The following MTA3 variants were observed in gnomAD, a reference collection of about 807,000 sequenced individuals.
MTA3 encodes metastasis associated 1 family member 3.
Under a neutral mutation model 83.5 loss-of-function variants are expected in MTA3, and 34 were observed. The ratio of observed to expected loss-of-function variants is 0.41; its 90% confidence interval spans 0.31 to 0.54. The LOEUF (loss-of-function observed/expected upper bound fraction) is 0.54. Ranked by LOEUF, MTA3 falls within the 20% of genes least tolerant of loss-of-function variation. The pLI is 0.33. For missense variants in MTA3, 761 were observed against 726.4 expected, an observed-to-expected ratio of 1.05 and a Z score of -0.55; for synonymous variants, 303 against 252.7, an observed-to-expected ratio of 1.20 and a Z score of -1.89.
At chr2:42,549,630 T>C (rs1283497309) in intron 2 of MTA3, among the ~76,000 whole-genome samples, 1 of 123,916 alleles carries the variant, frequency 8.1e-6, no homozygotes, top group Non-Finnish European at 1.6e-5. Flanking sequence ...ATTATATACA[T>C]ATACATATAT....
At chr2:42,556,798 CAG>C (rs1233238587) in intron 2 of MTA3, among the ~76,000 whole-genome samples, 2 of 152,122 alleles carry the variant, frequency 1.3e-5, no homozygotes, top group East Asian at 3.9e-4. Context: ...ACCAAGGCCA[CAG>C]AGTGTTCAAC....
At chr2:42,590,633 GT>G (rs35137977) in intron 3 of MTA3, among the ~76,000 whole-genome samples, 81,671 of 113,910 alleles carry the variant, frequency 0.72, 26,686 homozygotes, top group South Asian at 0.84. Flanking sequence ...TTTTTTTTTT[GT>G]GAGGTGGAGT....
rs1242100313 is a variant in MTA3, at chr2:42,755,918, C to T, written c.*2519C>T. 3.0e-6 allele frequency: 3 copies of T among 985,418 alleles called. No homozygotes were observed. Among genetic ancestry groups the T allele is most frequent in the South Asian group, 9.4e-5 (2 of 21,296 alleles). The allele number at this position is 985,418 out of a possible 1,614,324, so 61.0% of individuals were successfully genotyped here. ...GCCCACCCTTCACTTCTTAAAGGTG[C>T]GCAAGAGAGGAGGGCCGACTGGAGG... On this transcript the variant is annotated 3_prime_UTR_variant, in exon 17 of 17. Coordinates refer to ENST00000405094, the MANE Select transcript of MTA3 (RefSeq NM_001330442.2).
intron 4 of MTA3, among the ~76,000 whole-genome samples, chr2:42,622,276 C>T (rs1302092970): frequency 3.9e-5 from 6 of 152,114 alleles, no homozygotes; most frequent in African/African-American, 7.2e-5. Flanking sequence ...CTTGGCGGCG[C>T]GCGCCTGCAA....
intron 8 of MTA3, among the ~76,000 whole-genome samples, chr2:42,663,996 T>A (rs1480499145): frequency 6.6e-6 from 1 of 152,174 alleles, no homozygotes; most frequent in Non-Finnish European, 1.5e-5. Context: ...TTGTCATGTT[T>A]GTATAGCTGG....
chr2:42,589,731 T>G (rs1348052720), intron 3 of MTA3, among the ~76,000 whole-genome samples: 1 of 152,204 alleles, frequency 6.6e-6, no homozygotes, highest in Non-Finnish European at 1.5e-5. Context: ...TTTTGTATTT[T>G]CAGTAGAGAC....
chr2:42,617,508 A>T (rs1283429902), intron 4 of MTA3, among the ~76,000 whole-genome samples: 1 of 152,160 alleles, frequency 6.6e-6, no homozygotes, highest in Non-Finnish European at 1.5e-5. Flanking sequence ...AAAAGGTATT[A>T]TTTTAAAATT....
At chr2:42,617,365 A>AT (rs1159893099) in intron 4 of MTA3, among the ~76,000 whole-genome samples, 4 of 151,998 alleles carry the variant, frequency 2.6e-5, no homozygotes, top group Non-Finnish European at 5.9e-5. Flanking sequence ...GATTTGTTTT[A>AT]TTTTTTCTCT....
rs767598363 is a variant in MTA3 at position 42,514,682 on chromosome 2, C to CTTTTTTTTTTTTTTTTTTTTT, written c.-141+19433_-141+19453dup. Among the ~76,000 whole-genome samples, 45 of 53,486 alleles carry CTTTTTTTTTTTTTTTTTTTTT rather than the reference C, an allele frequency of 8.4e-4. 12 individuals are homozygous for CTTTTTTTTTTTTTTTTTTTTT. The highest frequency in any genetic ancestry group is 1.7e-3 in the Admixed American group (5 of 2,972). The allele number at this position is 53,486 out of a possible 152,430, so 35.1% of individuals were successfully genotyped here. A position where few individuals can be genotyped will look rare whatever the true frequency, so the allele number is the denominator to read the frequency against. ...GATTACAGGCATGAGCGCCCAGCCCCTTTTTTTTTTTTTTTTTTTTTTTTT... is the reference window on the plus strand; with the variant it reads ...GATTACAGGCATGAGCGCCCAGCCCCTTTTTTTTTTTTTTTTTTTTTTTTTTTTTTTTTTTTTTTTTTTTTT... On this transcript the variant is annotated intron_variant, in intron 2 of 17. Transcript: ENST00000405592.
intron 2 of MTA3, among the ~76,000 whole-genome samples, chr2:42,520,107 A>G (rs1675352504): frequency 6.6e-6 from 1 of 152,220 alleles, no homozygotes; most frequent in African/African-American, 2.4e-5. Context: ...TAGCAGGGTC[A>G]TGACAAGTCT....
At chr2:42,724,664 T>C (rs6544591) in intron 16 of MTA3, among the ~76,000 whole-genome samples, 83,046 of 151,730 alleles carry the variant, frequency 0.55, 23,294 homozygotes, top group Middle Eastern at 0.67. Flanking sequence ...ACACGACTGT[T>C]ACTGTGACTG....
At chr2:42,525,340 C>T (rs998458918) in intron 2 of MTA3, among the ~76,000 whole-genome samples, 6 of 152,086 alleles carry the variant, frequency 3.9e-5, no homozygotes, top group African/African-American at 9.7e-5. Flanking sequence ...GCTGGGATTA[C>T]AGGCACTTAC....
rs1558428261 is a variant in MTA3, at chr2:42,548,833, T to TATATATATATATAATATATATATATATA, written c.-140-21578_-140-21577insTAATATATATATATAATATATATATATA. 1.2e-3 allele frequency among the ~76,000 whole-genome samples: 14 copies of TATATATATATATAATATATATATATATA among 11,506 alleles called. 1 individual carries two copies. The highest frequency in any genetic ancestry group is 2.1e-3 in the Admixed American group (1 of 482). 7.5% of individuals were successfully genotyped at this position (11,506 alleles called of 152,430 possible). A position where few individuals can be genotyped will look rare whatever the true frequency, so the allele number is the denominator to read the frequency against. ...AAAATATATATATATATATATAATA[T>TATATATATATATAATATATATATATATA]ATATATATATATAATATATATATAT... On this transcript the variant is annotated intron_variant, in intron 2 of 17. Transcript: ENST00000405592.
At chr2:42,629,193 C>A (rs1363464569) in intron 4 of MTA3, among the ~76,000 whole-genome samples, 2 of 152,090 alleles carry the variant, frequency 1.3e-5, no homozygotes, top group African/African-American at 4.8e-5. Flanking sequence ...AATTCTCCTG[C>A]CACAGCCTCC....
chr2:42,642,348 G>A (rs1331539656), intron 5 of MTA3, among the ~76,000 whole-genome samples: 5 of 152,164 alleles, frequency 3.3e-5, no homozygotes, highest in African/African-American at 1.2e-4. Flanking sequence ...GTGAACTGAA[G>A]TATCTCTGCA....
Position 42,708,047 on chromosome 2 carries a change from C to A in MTA3, c.1295C>A (p.Thr432Asn). The A allele has an allele frequency of 2.5e-6, 4 of 1,606,228 alleles. No individual in the cohort carries two copies. The highest frequency in any genetic ancestry group is 3.4e-6 in the Non-Finnish European group (4 of 1,177,778). Residue 432 changes from threonine to asparagine, a missense_variant, in exon 13 of 17, where the codon ACT becomes AAT. By Grantham distance (65) the Thr-to-Asn change is moderately conservative. Transcript: ENST00000405094. ...GAAGAGAAGTTATCTCCTAGCCCAA[C>A]TACAGAGGTACAGTAGTCTTTTTAG... ...SEEEKLSPSP[T>N]TEDPRVRSHV...
intron 8 of MTA3, among the ~76,000 whole-genome samples, chr2:42,670,628 C>T (rs766522320): frequency 1.3e-5 from 2 of 152,010 alleles, no homozygotes; most frequent in Non-Finnish European, 2.9e-5. Flanking sequence ...CTGGCCCCTT[C>T]TGATTGGTTG....
intron 2 of MTA3, among the ~76,000 whole-genome samples, chr2:42,509,539 G>T (rs556342068): frequency 6.6e-6 from 1 of 152,272 alleles, no homozygotes; most frequent in Admixed American, 6.5e-5. Context: ...GGAGACCAAG[G>T]TGGGTGGCTT....
chr2:42,600,969 T>C (rs909714375), intron 3 of MTA3, among the ~76,000 whole-genome samples: 3 of 152,070 alleles, frequency 2.0e-5, no homozygotes, highest in African/African-American at 7.2e-5. Flanking sequence ...TGCAGTAGCG[T>C]GTTCTTGGCT....
Sources: allele counts gnomAD v4.1 joint callset (sites outside exome capture counted in the v4.1 genomes callset), GRCh38; gene constraint gnomAD v4.1.1; transcripts MANE v1.5; gene names NCBI Gene and HGNC (gene_info 2026-07-23, HGNC 2026-07-21).